Variants in CEP89 observed in about 807,000 individuals in gnomAD.
The protein encoded by CEP89 is centrosomal protein 89.
CEP89 carries 95 observed loss-of-function variants against 97.6 expected under a neutral mutation model. The observed-to-expected ratio is 0.97, with a 90% CI of 0.82 to 1.15. CEP89 has a LOEUF of 1.15. Ranked by LOEUF, CEP89 falls within the 50% of genes most tolerant of loss-of-function variation. CEP89 has a pLI of 0.00. For missense variants in CEP89, 869 were observed against 947.7 expected (o/e 0.92, Z 1.09); for synonymous variants, 354 against 349.1 (o/e 1.01, Z -0.16).
rs1971424235 is a variant in CEP89, at chr19:32,971,926, T to G, written c.-52A>C. 1.3e-6 allele frequency: 2 copies of G among 1,557,938 alleles called. No individual in the cohort carries two copies. The highest frequency in any genetic ancestry group is 8.7e-7 in the Non-Finnish European group (1 of 1,148,486). ...GGGCCTGGACTCATCAGCAGATCTATCCACAGCCAGGGACCACTCCCTAAA... is the reference window on the plus strand; with the variant it reads ...GGGCCTGGACTCATCAGCAGATCTAGCCACAGCCAGGGACCACTCCCTAAA... On this transcript the variant is annotated 5_prime_UTR_variant, in exon 1 of 19. Coordinates refer to ENST00000305768, the MANE Select transcript of CEP89 (RefSeq NM_032816.5).
At chr19:32,933,416 C>A in intron 8 of CEP89, 35 bp downstream of exon 8, 2 of 1,397,058 alleles carry the variant, frequency 1.4e-6, no homozygotes, top group Admixed American at 1.8e-5. Context: ...AAGTCCTGCT[C>A]ATTCCTCTAA....
rs145838212 is a variant in CEP89 at position 32,933,465 on chromosome 19, G to A, written c.872C>T (p.Ala291Val). 3.7e-5 allele frequency: 59 copies of A among 1,613,434 alleles called. No homozygotes were observed. In the East Asian group the frequency reaches 6.9e-4, roughly 19 times the overall value. ...EKRKLKEAEKASSQEVAAPEL... is the reference protein window; with the variant it reads ...EKRKLKEAEKVSSQEVAAPEL... ...TCTGTCCCCACCTTCCTGTGACGAC[G>A]CCTTCTCAGCCTCTTTGAGCTTTCT... is the stretch of plus-strand genomic sequence containing the variant. The change falls in exon 8 of 19, where the codon GCG (alanine) becomes GTG (valine). Residue 291 changes from alanine (A) to valine (V), a missense_variant. Coordinates refer to ENST00000305768, the MANE Select transcript of CEP89 (RefSeq NM_032816.5).
intron 16 of CEP89, among the ~76,000 whole-genome samples, chr19:32,890,556 G>A (rs1257290432): frequency 2.6e-5 from 4 of 152,148 alleles, no homozygotes; most frequent in African/African-American, 9.7e-5. Context: ...ACGGGAACTC[G>A]ACAGGGGAGG....
rs181234045 is a variant in CEP89, at chr19:32,910,826, C to T, written c.1565+4511G>A. Among the ~76,000 whole-genome samples, 527 of 152,316 alleles carry T rather than the reference C, an allele frequency of 3.5e-3. 1 individual carries two copies. Among genetic ancestry groups the T allele is most frequent in the African/African-American group, 0.012 (490 of 41,564 alleles). ...TTCAGGGTCAGTAACGTACATGGAGCTGTCACCTCCTGTGATAACAATGCC... is the reference window on the plus strand; with the variant it reads ...TTCAGGGTCAGTAACGTACATGGAGTTGTCACCTCCTGTGATAACAATGCC... On this transcript the variant is annotated intron_variant, in intron 14 of 18. Coordinates refer to ENST00000305768, the MANE Select transcript of CEP89 (RefSeq NM_032816.5).
At chr19:32,905,947 T>G (rs1000747362) in intron 14 of CEP89, among the ~76,000 whole-genome samples, 7 of 152,220 alleles carry the variant, frequency 4.6e-5, no homozygotes, top group Non-Finnish European at 1.0e-4. Context: ...CTTGAACCTC[T>G]GGACTGAGCC....
intron 7 of CEP89, 166 bp downstream of exon 7, chr19:32,937,465 C>T: frequency 1.6e-6 from 1 of 626,536 alleles, no homozygotes; most frequent in Non-Finnish European, 2.9e-6. Flanking sequence ...CCTGTATGGA[C>T]ATACGTCCAC....
intron 4 of CEP89, among the ~76,000 whole-genome samples, chr19:32,948,786 G>A (rs1340164681): frequency 6.6e-6 from 1 of 152,086 alleles, no homozygotes; most frequent in African/African-American, 2.4e-5. Context: ...GCACAGTGGT[G>A]TGATCACAGC....
At chr19:32,923,568 AAC>A in intron 11 of CEP89, 26 bp from the exon 12 acceptor site, 1 of 1,340,312 alleles carries the variant, frequency 7.5e-7, no homozygotes, top group South Asian at 1.2e-5. Context: ...CGTAAATTAT[AAC>A]ACACACATAC....
chr19:32,891,323 C>T (rs1192372558), intron 16 of CEP89, among the ~76,000 whole-genome samples: 1 of 152,100 alleles, frequency 6.6e-6, no homozygotes, highest in African/African-American at 2.4e-5. Context: ...GGGAGTGTCC[C>T]ACCATGTTGG....
At chr19:32,945,254 A>G (rs1046988316) in intron 5 of CEP89, among the ~76,000 whole-genome samples, 4 of 148,452 alleles carry the variant, frequency 2.7e-5, no homozygotes, top group African/African-American at 1.0e-4. Flanking sequence ...ACTGCACTCC[A>G]GCCTGGGCAA....
At chr19:32,881,800 A>G (rs1969286353) in intron 18 of CEP89, 44 bp downstream of exon 18, 1 of 1,541,822 alleles carries the variant, frequency 6.5e-7, no homozygotes, top group Non-Finnish European at 8.7e-7. Flanking sequence ...TCAATCAGAC[A>G]TTCAGACATC....
At chr19:32,903,641 T>C (rs989050467) in intron 14 of CEP89, among the ~76,000 whole-genome samples, 1 of 152,062 alleles carries the variant, frequency 6.6e-6, no homozygotes, top group Non-Finnish European at 1.5e-5. Flanking sequence ...ATTTGTGAAG[T>C]TGAAGAGAGA....
At position 32,948,313 on chromosome 19, in the gene CEP89, T is replaced by C. The variant is rs144034570; in HGVS notation, c.548A>G (p.Asp183Gly). The C allele has an allele frequency of 9.8e-5, 158 of 1,612,122 alleles. No homozygotes were observed. The East Asian group carries it at 3.0e-3, about 30-fold the overall frequency. ...TGCAGGAGGGGAGCCTGGAAACCCA[T>C]CTTGATGAGAAATATTTTCATCGTC... ...SEDDENISHQ[D>G]GFPGSPPAPQ... The change falls in exon 5 of 19, where the codon GAT (aspartate) becomes GGT (glycine). Residue 183 changes from aspartate to glycine, a missense_variant. Coordinates refer to ENST00000305768, the MANE Select transcript of CEP89 (RefSeq NM_032816.5).
intron 7 of CEP89, 116 bp downstream of exon 7, chr19:32,937,515 A>G: frequency 1.2e-6 from 1 of 868,234 alleles, no homozygotes; most frequent in South Asian, 1.5e-5. Context: ...GCAAGGGTGA[A>G]AGTTCAACAA....
At chr19:32,891,741 C>G (rs995256165) in intron 16 of CEP89, among the ~76,000 whole-genome samples, 2 of 150,352 alleles carry the variant, frequency 1.3e-5, no homozygotes, top group Admixed American at 6.6e-5. Context: ...CAATTGAGAG[C>G]TTCAGTGATA....
chr19:32,928,654 C>T (rs8102681), intron 9 of CEP89, among the ~76,000 whole-genome samples: 3 of 151,964 alleles, frequency 2.0e-5, no homozygotes, highest in Admixed American at 2.0e-4. Flanking sequence ...CAGTATCTTG[C>T]AGTCTCATCC....
At chr19:32,912,812 G>T (rs1481009437) in intron 14 of CEP89, among the ~76,000 whole-genome samples, 1 of 151,896 alleles carries the variant, frequency 6.6e-6, no homozygotes, top group Admixed American at 6.6e-5. Context: ...GGAGGCTGAG[G>T]CGGGTGGATC....
rs1440091000 is a variant in CEP89 at position 32,926,984 on chromosome 19, T to C, written c.1030A>G (p.Ser344Gly). 8.7e-6 allele frequency: 14 copies of C among 1,613,112 alleles called. No homozygotes were observed. The highest frequency in any genetic ancestry group is 1.1e-5 in the Non-Finnish European group (13 of 1,179,128). ...TKFRHLSKEE[S>G]LNIEGLPSKG... The stretch of plus-strand genomic sequence containing the variant: ...GATGGGAGGCCTTCAATATTTAAGC[T>C]CTAAGAACAAAACATGTATTGAAGA... Residue 344 changes from serine (S) to glycine (G), a missense_variant and splice_region_variant, in exon 10 of 19, where the codon AGC becomes GGC. Ser to Gly is a moderately conservative substitution (Grantham distance 56, BLOSUM62 0). Transcript: ENST00000305768.
intron 1 of CEP89, among the ~76,000 whole-genome samples, chr19:32,967,822 G>A (rs186294462): frequency 5.3e-5 from 8 of 152,328 alleles, no homozygotes; most frequent in Admixed American, 2.0e-4. Flanking sequence ...ACGATTCTCC[G>A]TTTTGCTAGA....
Sources: allele counts gnomAD v4.1 joint callset (sites outside exome capture counted in the v4.1 genomes callset), GRCh38; gene constraint gnomAD v4.1.1; transcripts MANE v1.5; gene names NCBI Gene and HGNC (gene_info 2026-07-23, HGNC 2026-07-21).